Variants in ANO3 observed in about 807,000 individuals in gnomAD.
The protein encoded by ANO3 is anoctamin-3.
In ANO3, 99 loss-of-function variants were observed where a neutral mutation model predicts 144.8. The ratio of observed to expected loss-of-function variants is 0.68; its 90% CI spans 0.58 to 0.81. The LOEUF is 0.81. ANO3 is among the 30% of genes least tolerant of loss of function. The probability of loss-of-function intolerance (pLI) is 0.00; values close to 1 mark genes in which losing one functional copy is unlikely to be tolerated. For missense variants in ANO3, 905 were observed against 1,202.2 expected (o/e 0.75, Z 3.66); for synonymous variants, 414 against 392.6 (o/e 1.05, Z -0.64).
chr11:26,539,981 T>C (rs1187475863), intron 10 of ANO3, among the ~76,000 whole-genome samples: 1 of 152,132 alleles, frequency 6.6e-6, no homozygotes, highest in Admixed American at 6.5e-5. Context: ...TGTCATGTCT[T>C]GTATCTCACA....
intron 1 of ANO3, among the ~76,000 whole-genome samples, chr11:26,418,688 T>G (rs1335995377): frequency 6.6e-6 from 1 of 152,112 alleles, no homozygotes; most frequent in African/African-American, 2.4e-5. Flanking sequence ...CCCATTTTAC[T>G]GCTACAAACA....
chr11:26,302,706 C>A (rs1854264819), intron 1 of ANO3, among the ~76,000 whole-genome samples: 1 of 152,014 alleles, frequency 6.6e-6, no homozygotes, highest in African/African-American at 2.4e-5. Flanking sequence ...TGCCTTATAT[C>A]TTATTATTTG....
At chr11:26,465,272 TTAGATAGATAGATAGATAGA>T (rs60663776) in intron 4 of ANO3, among the ~76,000 whole-genome samples, 29 of 146,316 alleles carry the variant, frequency 2.0e-4, no homozygotes, top group East Asian at 1.8e-3. Context: ...ATGAACCTAT[TTAGATAGATAGATAGATAGA>T]TAGATAGATA....
At position 26,585,504 on chromosome 11, in the gene ANO3, G is replaced by A. The variant is rs576616251; in HGVS notation, c.1448-12861G>A. Among the ~76,000 whole-genome samples, 8 of 151,584 alleles carry A rather than the reference G, an allele frequency of 5.3e-5. No homozygotes were observed. The South Asian group carries it at 1.0e-3, about 20-fold the overall frequency. Reference sequence around the variant, plus strand: ...ATCCCTCTGTTGCCATCTTTATTTTGAGCCATTGTTCCTTTGCTCTTATAT... The same window carrying A: ...ATCCCTCTGTTGCCATCTTTATTTTAAGCCATTGTTCCTTTGCTCTTATAT... On this transcript the variant is annotated intron_variant, in intron 14 of 26. Transcript: ENST00000256737.
intron 1 of ANO3, among the ~76,000 whole-genome samples, chr11:26,352,955 A>T (rs1313099724): frequency 6.6e-6 from 1 of 152,188 alleles, no homozygotes; most frequent in Non-Finnish European, 1.5e-5. Flanking sequence ...CCCCCTCTTG[A>T]CACCATCACA....
At chr11:26,383,467 G>A (rs1441823766) in intron 1 of ANO3, among the ~76,000 whole-genome samples, 1 of 141,742 alleles carries the variant, frequency 7.1e-6, no homozygotes, top group Non-Finnish European at 1.6e-5. Flanking sequence ...AATCATGTTA[G>A]ATTGTTCCTA....
At chr11:26,536,048 G>A (rs527591060) in intron 9 of ANO3, among the ~76,000 whole-genome samples, 35 of 151,924 alleles carry the variant, frequency 2.3e-4, no homozygotes, top group Admixed American at 4.6e-4. Flanking sequence ...AGCTGGGTGC[G>A]GTGGCTCAAG....
intron 4 of ANO3, among the ~76,000 whole-genome samples, chr11:26,475,227 A>G (rs369868777): frequency 6.6e-6 from 1 of 151,870 alleles, no homozygotes; most frequent in East Asian, 1.9e-4. Flanking sequence ...GAGTATTTAC[A>G]TTTGCTTCAT....
chr11:26,539,401 G>A (rs940137448), intron 10 of ANO3, among the ~76,000 whole-genome samples: 2 of 152,112 alleles, frequency 1.3e-5, no homozygotes, highest in Non-Finnish European at 2.9e-5. Flanking sequence ...CCAGAATGAT[G>A]TAGCTGATTG....
rs767043766 is a variant in ANO3, at chr11:26,635,003, C to G, written c.1986-10C>G. The stretch of plus-strand genomic sequence containing the variant: ...CTTAAATGCTAATGAACTAAAATGT[C>G]TTCTTACAGATTCGTAGGCCACCCA... On this transcript the variant is annotated splice_polypyrimidine_tract_variant and intron_variant, in intron 19 of 26. Transcript: ENST00000256737. 1.9e-6 allele frequency: 3 copies of G among 1,611,374 alleles called. No homozygotes were observed. The highest frequency in any genetic ancestry group is 2.5e-6 in the Non-Finnish European group (3 of 1,177,668).
chr11:26,427,999 G>T (rs1857966602), intron 1 of ANO3, among the ~76,000 whole-genome samples: 1 of 152,106 alleles, frequency 6.6e-6, no homozygotes, highest in Non-Finnish European at 1.5e-5. Flanking sequence ...CCCATGACAC[G>T]TGGGGAATAT....
chr11:26,369,062 G>A (rs1412600479), intron 1 of ANO3, among the ~76,000 whole-genome samples: 1 of 151,812 alleles, frequency 6.6e-6, no homozygotes, highest in Non-Finnish European at 1.5e-5. Flanking sequence ...AACAAATAAG[G>A]TTTCATTTTT....
intron 1 of ANO3, among the ~76,000 whole-genome samples, chr11:26,301,079 C>T (rs1854222219): frequency 7.2e-6 from 1 of 138,584 alleles, no homozygotes; most frequent in Non-Finnish European, 1.5e-5. Flanking sequence ...GTCTTGAACT[C>T]CTGACCTCGA....
chr11:26,625,163 G>C (rs574028437), intron 18 of ANO3, among the ~76,000 whole-genome samples: 2 of 152,172 alleles, frequency 1.3e-5, no homozygotes, highest in African/African-American at 4.8e-5. Flanking sequence ...CTGACCTCGT[G>C]ATCTGCCCGC....
chr11:26,619,826 T>C (rs2132993882), intron 17 of ANO3, among the ~76,000 whole-genome samples: 1 of 152,356 alleles, frequency 6.6e-6, no homozygotes, highest in Admixed American at 6.5e-5. Flanking sequence ...AAGAAATCTA[T>C]ATTTAAAACA....
rs372398508 is a variant in ANO3 at position 26,442,160 on chromosome 11, T to C, written c.241+48T>C. 73 of 1,558,596 alleles carry C rather than the reference T, an allele frequency of 4.7e-5. No homozygotes were observed. In the African/African-American group the frequency reaches 9.4e-4, roughly 20 times the overall value. ...TTGTTCAATTTATAAAAACTACGTG[T>C]TTTCCAAACACTCCTTTCCTTCCTT... On this transcript the variant is annotated intron_variant, in intron 2 of 26. Coordinates refer to ENST00000256737, the MANE Select transcript of ANO3 (RefSeq NM_031418.4).
chr11:26,516,759 T>C lies in ANO3; in HGVS notation c.592-68T>C. 4.4e-6 allele frequency: 5 copies of C among 1,130,084 alleles called. No homozygotes were observed. The South Asian group carries it at 5.6e-5, about 13-fold the overall frequency. 70.0% of individuals were successfully genotyped at this position (1,130,084 alleles called of 1,614,324 possible). ...GGGGACAATGTTCTTTATTCCCAAA[T>C]CAAACTGTGGCATGATATCATCAGC... On this transcript the variant is annotated intron_variant, in intron 5 of 26. Transcript: ENST00000256737.
chr11:26,341,260 A>T (rs953340700), intron 1 of ANO3, among the ~76,000 whole-genome samples: 1 of 152,202 alleles, frequency 6.6e-6, no homozygotes, highest in African/African-American at 2.4e-5. Flanking sequence ...TCCTTGATTT[A>T]TATATAGCGA....
intron 18 of ANO3, among the ~76,000 whole-genome samples, chr11:26,624,770 G>T (rs80306184): frequency 6.6e-6 from 1 of 151,656 alleles, no homozygotes; most frequent in Non-Finnish European, 1.5e-5. Flanking sequence ...CAGTTCTTTG[G>T]GTTTTTCCTC....
Sources: gnomAD v4.1 joint callset for allele counts (sites outside exome capture counted in the v4.1 genomes callset) on GRCh38, gnomAD v4.1.1 for gene constraint, MANE v1.5 for transcripts, NCBI Gene and HGNC (gene_info 2026-07-23, HGNC 2026-07-21) for gene names.